The following SFMBT1 variants were observed in gnomAD, a reference collection of about 807,000 sequenced individuals.
The protein encoded by SFMBT1 is scm-like with four MBT domains protein 1.
Under a neutral mutation model 108.7 loss-of-function variants are expected in SFMBT1, and 32 were observed. The ratio of observed to expected loss-of-function variants is 0.29; its 90% CI spans 0.22 to 0.40. The LOEUF (loss-of-function observed/expected upper bound fraction) is 0.40. Ranked by LOEUF, SFMBT1 falls within the 10% of genes least tolerant of loss-of-function variation. The probability of loss-of-function intolerance (pLI) is 1.00; values close to 1 mark genes in which losing one functional copy is unlikely to be tolerated. For missense variants in SFMBT1, 816 were observed against 1,059.6 expected, an observed-to-expected ratio of 0.77 and a Z score of 3.19; for synonymous variants, 348 against 369.5, an observed-to-expected ratio of 0.94 and a Z score of 0.67.
chr3:52,919,334 T>C (rs2106777118), intron 12 of SFMBT1, among the ~76,000 whole-genome samples: 1 of 152,286 alleles, frequency 6.6e-6, no homozygotes, highest in Non-Finnish European at 1.5e-5. Context: ...CATGGAATAT[T>C]ATTCAGCTAT....
intron 7 of SFMBT1, 149 bp from the exon 8 acceptor site, chr3:52,930,579 T>G: frequency 1.7e-6 from 1 of 593,734 alleles, no homozygotes; most frequent in Non-Finnish European, 3.0e-6. Context: ...TCCAATATAA[T>G]TTTCTACTCT....
Position 52,920,548 on chromosome 3 carries a change from C to G in SFMBT1, c.1361G>C (p.Arg454Pro). 1.2e-6 allele frequency: 2 copies of G among 1,612,470 alleles called. No individual in the cohort carries two copies. The highest frequency in any genetic ancestry group is 1.7e-6 in the Non-Finnish European group (2 of 1,178,984). ...AAATAGACAGATACCTCGTGCTCGG[C>G]GAGGAGTGCTGAGGGGGTGGCCGTT... ...ETNGHPLSTP[R>P]RARVYKQRKI... The change falls in exon 12 of 21, where the codon CGC becomes CCC. Residue 454 changes from arginine to proline, a missense_variant. Around this residue, in one of 5 missense-constraint regions of SFMBT1, gnomAD observed 495 missense variants for 607.4 expected, o/e 0.81. Transcript: ENST00000394752.
At chr3:52,962,099 C>G (rs1305110903) in intron 2 of SFMBT1, among the ~76,000 whole-genome samples, 1 of 152,146 alleles carries the variant, frequency 6.6e-6, no homozygotes, top group Admixed American at 6.5e-5. Context: ...GAAAAGAATT[C>G]CAAAGTGTGA....
intron 2 of SFMBT1, among the ~76,000 whole-genome samples, chr3:52,964,149 C>G (rs1704054825): frequency 6.6e-6 from 1 of 152,162 alleles, no homozygotes; most frequent in Non-Finnish European, 1.5e-5. Flanking sequence ...AGCTAAAACC[C>G]TGTACTTTTA....
At chr3:52,979,198 AAAAG>A (rs1704622955) in intron 1 of SFMBT1, among the ~76,000 whole-genome samples, 1 of 152,222 alleles carries the variant, frequency 6.6e-6, no homozygotes, top group Admixed American at 6.5e-5. Context: ...TGACAAAAAA[AAAAG>A]AGACAAGATA....
At chr3:52,966,950 T>TTATATATATATATATATATATATA (rs374164813) in intron 2 of SFMBT1, among the ~76,000 whole-genome samples, 13 of 146,686 alleles carry the variant, frequency 8.9e-5, no homozygotes, top group African/African-American at 3.2e-4. Context: ...TTGTGATAAG[T>TTATATATATATATATATATATATA]TATATATATA....
In SFMBT1 at chr3:52,964,907, A is replaced by G. The variant is rs570222569; in HGVS notation, c.28+4194T>C. ...CATATACATATACGTACTTAAATAC[A>G]TGAGTTAATAATATTTAACACAAAG... On this transcript the variant is annotated intron_variant, in intron 2 of 20. Coordinates refer to ENST00000394752, the MANE Select transcript of SFMBT1 (RefSeq NM_016329.4). Among the ~76,000 whole-genome samples the G allele has an allele frequency of 4.3e-4, 65 of 152,362 alleles. 1 individual carries two copies. In the South Asian group the frequency reaches 0.013, roughly 31 times the overall value.
chr3:53,009,341 G>A (rs1288857227), intron 1 of SFMBT1, among the ~76,000 whole-genome samples: 4 of 151,940 alleles, frequency 2.6e-5, no homozygotes, highest in South Asian at 2.1e-4. Context: ...TCAGCTACTC[G>A]GGAGGCTGAG....
chr3:53,044,779 G>T (rs1262748513), intron 1 of SFMBT1, among the ~76,000 whole-genome samples: 1 of 152,194 alleles, frequency 6.6e-6, no homozygotes, highest in Non-Finnish European at 1.5e-5. Context: ...CACCACTTGG[G>T]ACCATCAACC....
intron 1 of SFMBT1, among the ~76,000 whole-genome samples, chr3:52,992,222 A>G (rs1424542910): frequency 6.6e-6 from 1 of 152,234 alleles, no homozygotes; most frequent in African/African-American, 2.4e-5. Context: ...CTTCCTAAGC[A>G]GGTCCTGAGC....
In SFMBT1 at chr3:53,002,310, A is replaced by C. The variant is rs562473521; in HGVS notation, c.-130-33052T>G. Reference sequence around the variant, plus strand: ...GCTACTTGGGAGGCTGAGGCAGGAGAATGGCGTGAACCCGGGAGGCGAAGC... The same window carrying C: ...GCTACTTGGGAGGCTGAGGCAGGAGCATGGCGTGAACCCGGGAGGCGAAGC... On this transcript the variant is annotated intron_variant, in intron 1 of 20. Transcript: ENST00000394752. Among the ~76,000 whole-genome samples the C allele has an allele frequency of 4.7e-5, 7 of 148,210 alleles. No individual in the cohort carries two copies. The Admixed American group carries it at 4.8e-4, about 10-fold the overall frequency.
chr3:52,960,716 T>C (rs542615567), intron 2 of SFMBT1, among the ~76,000 whole-genome samples: 1 of 152,340 alleles, frequency 6.6e-6, no homozygotes, highest in Non-Finnish European at 1.5e-5. Context: ...TGTACACAAA[T>C]GTTCATAGCA....
At chr3:52,927,162 A>C (rs1053771854) in intron 9 of SFMBT1, among the ~76,000 whole-genome samples, 1 of 152,136 alleles carries the variant, frequency 6.6e-6, no homozygotes. Context: ...GCTGTTCTAC[A>C]CCACACCCTC....
At chr3:52,905,827 T>C (rs972881983) in intron 20 of SFMBT1, among the ~76,000 whole-genome samples, 1 of 152,198 alleles carries the variant, frequency 6.6e-6, no homozygotes, top group Non-Finnish European at 1.5e-5. Flanking sequence ...AAGCAAATCA[T>C]TATTTTTGAA....
chr3:52,986,011 T>C (rs905050358), intron 1 of SFMBT1, among the ~76,000 whole-genome samples: 2 of 151,750 alleles, frequency 1.3e-5, no homozygotes, highest in East Asian at 1.9e-4. Context: ...GGTGTGGTAG[T>C]GGGCGCCTGT....
intron 1 of SFMBT1, among the ~76,000 whole-genome samples, chr3:53,002,564 C>A (rs1233156947): frequency 2.7e-5 from 4 of 150,172 alleles, no homozygotes; most frequent in African/African-American, 9.7e-5. Flanking sequence ...TAAGTGCTCA[C>A]TGAACACCTG....
chr3:52,928,399 C>A, intron 8 of SFMBT1, 58 bp from the exon 9 acceptor site: 1 of 1,558,866 alleles, frequency 6.4e-7, no homozygotes, highest in Non-Finnish European at 8.7e-7. Flanking sequence ...TGTGCTTTCT[C>A]CTTGGCACAG....
intron 13 of SFMBT1, among the ~76,000 whole-genome samples, chr3:52,917,475 C>A (rs1702394657): frequency 6.6e-6 from 1 of 152,128 alleles, no homozygotes; most frequent in Non-Finnish European, 1.5e-5. Context: ...AGGGAGAATG[C>A]CCTCACTAGG....
chr3:52,927,948 T>C (rs942194396), intron 9 of SFMBT1, among the ~76,000 whole-genome samples: 2 of 152,190 alleles, frequency 1.3e-5, no homozygotes, highest in Non-Finnish European at 2.9e-5. Flanking sequence ...TATGAGGACA[T>C]AGATATCAAA....
Sources: gnomAD v4.1 joint callset for allele counts (sites outside exome capture counted in the v4.1 genomes callset) on GRCh38, gnomAD v4.1.1 for gene constraint, gnomAD v4.1.1 regional missense constraint, MANE v1.5 for transcripts, NCBI Gene and HGNC (gene_info 2026-07-23, HGNC 2026-07-21) for gene names.